The following PEMT variants were observed in gnomAD, a reference collection of about 807,000 sequenced individuals.
PEMT encodes phosphatidylethanolamine N-methyltransferase.
A neutral mutation model predicts 27.4 loss-of-function variants in PEMT; 23 were observed. The ratio of observed to expected loss-of-function variants is 0.84; its 90% confidence interval spans 0.60 to 1.19. The LOEUF (loss-of-function observed/expected upper bound fraction) is 1.19, where lower values mean the gene tolerates loss of function less well. Among genes scored for constraint, PEMT ranks in the 50% most tolerant of loss-of-function variants. PEMT has a pLI of 0.00. For synonymous variants in PEMT, 137 were observed against 139.1 expected, an observed-to-expected ratio of 0.98 and a Z score of 0.11; for missense variants, 307 against 310.1, an observed-to-expected ratio of 0.99 and a Z score of 0.07.
chr17:17,569,098 T>C (rs1911019974), intron 2 of PEMT, among the ~76,000 whole-genome samples: 1 of 152,214 alleles, frequency 6.6e-6, no homozygotes, highest in East Asian at 1.9e-4. Flanking sequence ...CAGGACTGAC[T>C]TGGGTTCCAG....
rs528310424 is a variant in PEMT at position 17,511,781 on chromosome 17, C to T, written c.466+728G>A. ...TCTCTCCTTCCAGGTTCCGAAGGCC[C>T]CCTCTTGTCCCCCACCCCTGCCCCC... On this transcript the variant is annotated intron_variant, in intron 4 of 6. Coordinates refer to ENST00000255389, the MANE Select transcript of PEMT (RefSeq NM_148172.3). 2.0e-5 allele frequency among the ~76,000 whole-genome samples: 3 copies of T among 152,116 alleles called. No individual in the cohort carries two copies. In the South Asian group the frequency reaches 6.2e-4, roughly 32 times the overall value.
chr17:17,548,061 C>A (rs532961544), intron 2 of PEMT, among the ~76,000 whole-genome samples: 1 of 152,248 alleles, frequency 6.6e-6, no homozygotes, highest in African/African-American at 2.4e-5. Context: ...ATGTTCTATC[C>A]GAACCTCCCC....
At chr17:17,541,271 G>T (rs529775129) in intron 2 of PEMT, among the ~76,000 whole-genome samples, 1 of 152,348 alleles carries the variant, frequency 6.6e-6, no homozygotes, top group African/African-American at 2.4e-5. Context: ...GCACGGACAG[G>T]TGCGGTGGTG....
At chr17:17,575,714 C>T (rs73978980) in intron 2 of PEMT, among the ~76,000 whole-genome samples, 5,046 of 152,258 alleles carry the variant, frequency 0.033, 286 homozygotes, top group African/African-American at 0.11. Context: ...ACACCAAGCT[C>T]GCCAGTCTCA....
intron 1 of PEMT, among the ~76,000 whole-genome samples, chr17:17,579,801 C>T (rs748901049): frequency 2.6e-5 from 4 of 152,318 alleles, no homozygotes; most frequent in East Asian, 1.9e-4. Context: ...AGAGTGGCCA[C>T]GGCAGCAGGT....
intron 1 of PEMT, among the ~76,000 whole-genome samples, chr17:17,588,356 A>T (rs138564941): frequency 6.6e-6 from 1 of 152,172 alleles, no homozygotes; most frequent in African/African-American, 2.4e-5. Context: ...GATACCCCGC[A>T]TCGGCCATCG....
At chr17:17,577,049 C>G in intron 1 of PEMT, 22 bp from the exon 2 acceptor site, 1 of 1,565,152 alleles carries the variant, frequency 6.4e-7, no homozygotes, top group African/African-American at 1.3e-5. Context: ...GAGCTAGCAT[C>G]AGCACCACCC....
At chr17:17,548,237 G>A (rs1909396217) in intron 2 of PEMT, among the ~76,000 whole-genome samples, 1 of 152,254 alleles carries the variant, frequency 6.6e-6, no homozygotes, top group Non-Finnish European at 1.5e-5. Flanking sequence ...GTCCAGCCTG[G>A]CTCTAGGTGA....
intron 1 of PEMT, among the ~76,000 whole-genome samples, chr17:17,590,634 T>A (rs1408716177): frequency 6.6e-6 from 1 of 152,158 alleles, no homozygotes; most frequent in Non-Finnish European, 1.5e-5. Flanking sequence ...ACTGGCTGGA[T>A]CAGTGAGTGA....
intron 1 of PEMT, among the ~76,000 whole-genome samples, chr17:17,581,855 T>G (rs930803425): frequency 1.3e-5 from 2 of 151,968 alleles, no homozygotes; most frequent in East Asian, 1.9e-4. Flanking sequence ...TGGTTCAGAG[T>G]GGAATTCTAG....
chr17:17,577,972 G>A (rs1330105700), intron 1 of PEMT, among the ~76,000 whole-genome samples: 7 of 146,528 alleles, frequency 4.8e-5, no homozygotes, highest in African/African-American at 7.6e-5. Flanking sequence ...AGCAGAGATC[G>A]CGCCACTGCA....
intron 3 of PEMT, among the ~76,000 whole-genome samples, chr17:17,514,645 G>A (rs887942159): frequency 1.2e-4 from 18 of 152,236 alleles, no homozygotes; most frequent in African/African-American, 4.1e-4. Context: ...GCTCCAGGCC[G>A]AGCCTCTGGG....
At chr17:17,557,553 C>A (rs1216475865) in intron 2 of PEMT, among the ~76,000 whole-genome samples, 1 of 152,242 alleles carries the variant, frequency 6.6e-6, no homozygotes, top group Non-Finnish European at 1.5e-5. Context: ...CCTGCAGCCT[C>A]CGGAGTCAAC....
chr17:17,577,958 A>G (rs1311533170), intron 1 of PEMT, among the ~76,000 whole-genome samples: 1 of 149,116 alleles, frequency 6.7e-6, no homozygotes, highest in Admixed American at 6.7e-5. Context: ...CGGAGCTTGC[A>G]GTGAGCAGAG....
intron 2 of PEMT, among the ~76,000 whole-genome samples, chr17:17,571,162 A>C (rs1424553178): frequency 6.6e-6 from 1 of 151,872 alleles, no homozygotes; most frequent in Non-Finnish European, 1.5e-5. Flanking sequence ...GTGCTCTGGA[A>C]GGACAGAGGT....
intron 1 of PEMT, 138 bp downstream of exon 1, chr17:17,591,393 C>A: frequency 1.4e-6 from 1 of 722,348 alleles, no homozygotes; most frequent in Non-Finnish European, 2.2e-6. Context: ...GGCTCCCCCA[C>A]CCCCGCCACG....
intron 5 of PEMT, 133 bp downstream of exon 5, chr17:17,509,301 G>A (rs1052985417): frequency 2.5e-5 from 16 of 629,018 alleles, no homozygotes; most frequent in Middle Eastern, 4.3e-4. Context: ...GAACCAGGGC[G>A]CCTAGGCCCC....
chr17:17,563,492 C>T (rs1910628309), intron 2 of PEMT, among the ~76,000 whole-genome samples: 2 of 152,128 alleles, frequency 1.3e-5, no homozygotes, highest in Non-Finnish European at 2.9e-5. Context: ...GCACAGGGTG[C>T]CCCTTAGGAA....
At chr17:17,563,083 C>T (rs188259348) in intron 2 of PEMT, among the ~76,000 whole-genome samples, 540 of 152,272 alleles carry the variant, frequency 3.5e-3, no homozygotes, top group Non-Finnish European at 6.1e-3. Context: ...ACAGCCTGGC[C>T]GAGGCTCCAA....
Sources: gnomAD v4.1 joint callset for allele counts (sites outside exome capture counted in the v4.1 genomes callset) on GRCh38, gnomAD v4.1.1 for gene constraint, MANE v1.5 for transcripts, NCBI Gene and HGNC (gene_info 2026-07-23, HGNC 2026-07-21) for gene names.